Variants in RUFY2 observed in about 807,000 individuals in gnomAD.
The protein encoded by RUFY2 is RUN and FYVE domain-containing protein 2.
In RUFY2, 49 loss-of-function variants were observed where a neutral mutation model predicts 94.4. The observed-to-expected ratio is 0.52, with a 90% confidence interval of 0.41 to 0.66. The LOEUF is 0.66. Among genes scored for constraint, RUFY2 ranks in the 30% least tolerant of loss-of-function variants. The pLI, the probability that RUFY2 is intolerant of heterozygous loss-of-function variation, is 0.00. For synonymous variants in RUFY2, 255 were observed against 235.7 expected, an observed-to-expected ratio of 1.08 and a Z score of -0.75; for missense variants, 541 against 692.8, an observed-to-expected ratio of 0.78 and a Z score of 2.46.
chr10:68,381,858 T>C (rs1323069647), intron 10 of RUFY2, among the ~76,000 whole-genome samples: 2 of 152,164 alleles, frequency 1.3e-5, no homozygotes, highest in Non-Finnish European at 2.9e-5. Context: ...AAAAAGTAAG[T>C]AAATATTTTC....
At chr10:68,378,740 G>T in intron 12 of RUFY2, 1 of 1,109,458 alleles carries the variant, frequency 9.0e-7, no homozygotes, top group South Asian at 1.7e-5. Context: ...GTAAAAATGG[G>T]GATAAAGAAA....
At chr10:68,377,619 A>G in intron 12 of RUFY2, 3 of 985,364 alleles carry the variant, frequency 3.0e-6, no homozygotes, top group Non-Finnish European at 3.6e-6. Context: ...TCACCATTTA[A>G]TATTAAAAAT....
intron 6 of RUFY2, 139 bp downstream of exon 6, chr10:68,393,935 TG>T: frequency 7.1e-7 from 1 of 1,400,774 alleles, no homozygotes; most frequent in Non-Finnish European, 9.3e-7. Context: ...AAGCTTGTAA[TG>T]GAAGTGAAAA....
chr10:68,400,427 A>G (rs578241378), intron 3 of RUFY2, among the ~76,000 whole-genome samples: 2 of 152,284 alleles, frequency 1.3e-5, no homozygotes, highest in African/African-American at 4.8e-5. Flanking sequence ...CTGTAATCCC[A>G]GCACTTTGGG....
chr10:68,358,112 TG>T (rs2047183822), intron 15 of RUFY2, among the ~76,000 whole-genome samples: 1 of 152,108 alleles, frequency 6.6e-6, no homozygotes, highest in African/African-American at 2.4e-5. Context: ...CGCTTGAACC[TG>T]GAAGGCATAG....
rs755419558 is a variant in RUFY2 at position 68,343,808 on chromosome 10, T to TAAAAAAAA, written c.*1952_*1959dup. 6 of 115,678 alleles carry TAAAAAAAA rather than the reference T, an allele frequency of 5.2e-5. No homozygotes were observed. The highest frequency in any genetic ancestry group is 1.6e-4 in the African/African-American group (4 of 25,390). 7.2% of individuals were successfully genotyped at this position (115,678 alleles called of 1,614,324 possible). On this transcript the variant is annotated 3_prime_UTR_variant, in exon 18 of 18. Coordinates refer to ENST00000602465, the MANE Select transcript of RUFY2 (RefSeq NM_001330103.2). ...GCAAGTTGCTGTCATAAAAGCTGCC[T>TAAAAAAAA]AAAAAAAAAAAAAAAAAAAAAAAAA...
intron 13 of RUFY2, among the ~76,000 whole-genome samples, chr10:68,376,442 GTATATATATATATATATATA>G (rs764172830): frequency 0.016 from 457 of 27,964 alleles, 31 homozygotes; most frequent in Middle Eastern, 0.079. Flanking sequence ...AAAAATGTGT[GTATATATATATATATATATA>G]TATATATATA....
chr10:68,359,690 G>A (rs2047328061), intron 15 of RUFY2, among the ~76,000 whole-genome samples: 1 of 149,126 alleles, frequency 6.7e-6, no homozygotes, highest in South Asian at 2.1e-4. Flanking sequence ...TACTCGGGAG[G>A]CTGAGACAGC....
At chr10:68,361,107 C>G (rs1041790930) in intron 15 of RUFY2, among the ~76,000 whole-genome samples, 4 of 151,886 alleles carry the variant, frequency 2.6e-5, no homozygotes, top group African/African-American at 9.7e-5. Context: ...CATGGTAAAA[C>G]GCTGTCTCTA....
chr10:68,393,728 C>CA (rs1177351333), intron 6 of RUFY2: 23,120 of 227,628 alleles, frequency 0.1, 9 homozygotes, highest in South Asian at 0.19. Context: ...GACTGTGTCT[C>CA]AAAAAAAAAA....
At chr10:68,388,394 T>C (rs1247841269) in intron 7 of RUFY2, among the ~76,000 whole-genome samples, 1 of 151,508 alleles carries the variant, frequency 6.6e-6, no homozygotes, top group Non-Finnish European at 1.5e-5. Context: ...ACCTGGGAGG[T>C]GGAGGTTGCA....
rs377197931 is a variant in RUFY2 at position 68,368,010 on chromosome 10, G to A, written c.1326-3897C>T. Among the ~76,000 whole-genome samples, 6 of 149,684 alleles carry A rather than the reference G, an allele frequency of 4.0e-5. No homozygotes were observed. In the East Asian group the frequency reaches 1.0e-3, roughly 25 times the overall value. Reference sequence around the variant, plus strand: ...AGACGGAGTCTCGCTCTGTCGCCCAGGCTGGAGTGAAGTGGCGTGACCTCA... The same window carrying A: ...AGACGGAGTCTCGCTCTGTCGCCCAAGCTGGAGTGAAGTGGCGTGACCTCA... On this transcript the variant is annotated intron_variant, in intron 13 of 17. Transcript: ENST00000602465.
At chr10:68,396,220 C>G (rs1354011678) in intron 4 of RUFY2, among the ~76,000 whole-genome samples, 1 of 152,068 alleles carries the variant, frequency 6.6e-6, no homozygotes, top group Non-Finnish European at 1.5e-5. Flanking sequence ...GAACTCCTGA[C>G]CTCAAGTGAT....
Position 68,379,533 on chromosome 10 carries a change from A to G in RUFY2, c.1108-12T>C, listed in dbSNP as rs1362938537. ...CCATCTTCAGAACCCTATTTATAAAAACAAAAGCTATGGTGGTTTTGATTT... is the reference window on the plus strand; with the variant it reads ...CCATCTTCAGAACCCTATTTATAAAGACAAAAGCTATGGTGGTTTTGATTT... On this transcript the variant is annotated splice_polypyrimidine_tract_variant and intron_variant, in intron 11 of 17. Coordinates refer to ENST00000602465, the MANE Select transcript of RUFY2 (RefSeq NM_001330103.2). 1.3e-6 allele frequency: 2 copies of G among 1,582,298 alleles called. No individual in the cohort carries two copies. The highest frequency in any genetic ancestry group is 1.7e-6 in the Non-Finnish European group (2 of 1,156,546).
In RUFY2 at chr10:68,343,829, AAAAAG is replaced by A. The variant is rs1286304428; in HGVS notation, c.*1934_*1938del. 4 of 150,170 alleles carry A rather than the reference AAAAAG, an allele frequency of 2.7e-5. No individual in the cohort carries two copies. Among genetic ancestry groups the A allele is most frequent in the East Asian group, 1.9e-4 (1 of 5,178 alleles). 9.3% of individuals were successfully genotyped at this position (150,170 alleles called of 1,614,324 possible). ...TGCCTAAAAAAAAAAAAAAAAAAAAAAAAAGCAAGTCAGTCAGTGTTGATACATGA... is the reference window on the plus strand; with the variant it reads ...TGCCTAAAAAAAAAAAAAAAAAAAAACAAGTCAGTCAGTGTTGATACATGA... On this transcript the variant is annotated 3_prime_UTR_variant, in exon 18 of 18. Transcript: ENST00000602465.
chr10:68,386,752 A>G (rs762519130), intron 7 of RUFY2, among the ~76,000 whole-genome samples: 48 of 152,230 alleles, frequency 3.2e-4, no homozygotes, highest in Non-Finnish European at 5.7e-4. Flanking sequence ...TTAAAATTAT[A>G]TTTAAAAGGA....
intron 13 of RUFY2, among the ~76,000 whole-genome samples, chr10:68,375,482 TAG>T (rs1288321290): frequency 6.6e-6 from 1 of 151,266 alleles, no homozygotes; most frequent in Non-Finnish European, 1.5e-5. Context: ...AAAAAAAAAT[TAG>T]AGACAATTGG....
At chr10:68,394,743 C>A (rs183760120) in intron 4 of RUFY2, among the ~76,000 whole-genome samples, 1,702 of 151,844 alleles carry the variant, frequency 0.011, 31 homozygotes, top group African/African-American at 0.037. Context: ...CATTTTCCTG[C>A]CTCAGCCTCC....
At chr10:68,397,075 C>G (rs2050444963) in intron 3 of RUFY2, among the ~76,000 whole-genome samples, 194 bp from the exon 4 acceptor site, 1 of 152,184 alleles carries the variant, frequency 6.6e-6, no homozygotes. Context: ...GTAGGACATC[C>G]AGGTACTATT....
Sources: allele counts gnomAD v4.1 joint callset (sites outside exome capture counted in the v4.1 genomes callset), GRCh38; gene constraint gnomAD v4.1.1; transcripts MANE v1.5; gene names NCBI Gene and HGNC (gene_info 2026-07-23, HGNC 2026-07-21).